The following CAMTA1 variants were observed in gnomAD, a reference collection of about 807,000 sequenced individuals.
CAMTA1 encodes the protein calmodulin-binding transcription activator 1.
In CAMTA1, 27 loss-of-function variants were observed where a neutral mutation model predicts 170.9. The ratio of observed to expected loss-of-function variants is 0.16; its 90% confidence interval spans 0.12 to 0.22. The LOEUF (loss-of-function observed/expected upper bound fraction) is 0.22, where lower values mean the gene tolerates loss of function less well. Ranked by LOEUF, CAMTA1 falls within the 10% of genes least tolerant of loss-of-function variation. The pLI is 1.00. For missense variants in CAMTA1, 1,619 were observed against 2,217.2 expected, an observed-to-expected ratio of 0.73 and a Z score of 5.42; for synonymous variants, 833 against 891.5, an observed-to-expected ratio of 0.93 and a Z score of 1.17.
At chr1:6,914,402 A>G (rs1680357286) in intron 3 of CAMTA1, among the ~76,000 whole-genome samples, 1 of 152,258 alleles carries the variant, frequency 6.6e-6, no homozygotes, top group Admixed American at 6.5e-5. Context: ...ACACCTGGCC[A>G]TCTCTGACTT....
At chr1:7,496,740 T>C (rs1044270788) in intron 6 of CAMTA1, among the ~76,000 whole-genome samples, 2 of 152,034 alleles carry the variant, frequency 1.3e-5, no homozygotes, top group Non-Finnish European at 2.9e-5. Context: ...GAAGGTCGTG[T>C]TGTTGATCCC....
At chr1:7,265,271 A>G (rs1220891316) in intron 5 of CAMTA1, among the ~76,000 whole-genome samples, 3 of 152,166 alleles carry the variant, frequency 2.0e-5, no homozygotes, top group Non-Finnish European at 4.4e-5. Flanking sequence ...TCAAAGACCT[A>G]GCATGAAAAG....
chr1:7,719,881 GC>G (rs1180197305), intron 11 of CAMTA1, among the ~76,000 whole-genome samples: 41 of 152,248 alleles, frequency 2.7e-4, no homozygotes, highest in African/African-American at 9.6e-4. Flanking sequence ...TGCCTCCTCA[GC>G]TCTCCCTGCC....
chr1:6,890,409 G>A (rs1238566828), intron 3 of CAMTA1, among the ~76,000 whole-genome samples: 1 of 152,130 alleles, frequency 6.6e-6, no homozygotes, highest in Non-Finnish European at 1.5e-5. Context: ...GTCACTTCCT[G>A]GGTTAAGGAA....
chr1:6,792,261 A>G (rs1304282638), intron 1 of CAMTA1, among the ~76,000 whole-genome samples: 1 of 151,854 alleles, frequency 6.6e-6, no homozygotes, highest in Non-Finnish European at 1.5e-5. Flanking sequence ...CCTGGCCGGA[A>G]GTGTTTCCTT....
At chr1:6,912,794 G>A (rs752877647) in intron 3 of CAMTA1, among the ~76,000 whole-genome samples, 17 of 152,202 alleles carry the variant, frequency 1.1e-4, no homozygotes, top group Middle Eastern at 3.2e-3. Context: ...GGAGCCAGGC[G>A]TGCTGCCCGC....
At chr1:7,670,101 G>A (rs1443998575) in intron 9 of CAMTA1, among the ~76,000 whole-genome samples, 1 of 152,208 alleles carries the variant, frequency 6.6e-6, no homozygotes, top group African/African-American at 2.4e-5. Flanking sequence ...CCCTGGAGCT[G>A]AGGAAGGTCA....
chr1:6,940,930 A>AG (rs1571901402), intron 3 of CAMTA1, among the ~76,000 whole-genome samples: 3 of 322 alleles, frequency 9.3e-3, no homozygotes, highest in Non-Finnish European at 0.022. Flanking sequence ...CTCACAGGGA[A>AG]AGGGGATCCT....
intron 3 of CAMTA1, among the ~76,000 whole-genome samples, chr1:6,832,694 G>T (rs145375746): frequency 2.0e-5 from 3 of 152,142 alleles, no homozygotes; most frequent in Non-Finnish European, 4.4e-5. Context: ...CTTTAGGTAG[G>T]GCTTGGTTTT....
chr1:7,000,462 G>A (rs575703423), intron 3 of CAMTA1, among the ~76,000 whole-genome samples: 1 of 152,338 alleles, frequency 6.6e-6, no homozygotes, highest in South Asian at 2.1e-4. Flanking sequence ...AAGTTGAAGA[G>A]GCAGGACAGG....
intron 4 of CAMTA1, among the ~76,000 whole-genome samples, chr1:7,102,117 A>T (rs533596788): frequency 6.6e-6 from 1 of 151,618 alleles, no homozygotes; most frequent in South Asian, 2.1e-4. Flanking sequence ...CTCTGGGAAA[A>T]TTTTTCTTCG....
intron 11 of CAMTA1, among the ~76,000 whole-genome samples, chr1:7,717,043 T>C (rs564648462): frequency 2.6e-5 from 4 of 152,232 alleles, no homozygotes; most frequent in Admixed American, 1.3e-4. Context: ...TGCCACATGA[T>C]CTCACTCCTA....
chr1:6,952,257 T>TGTCTC (rs895067040), intron 3 of CAMTA1, among the ~76,000 whole-genome samples: 3 of 151,204 alleles, frequency 2.0e-5, no homozygotes, highest in African/African-American at 7.3e-5. Context: ...GGTGAAACCC[T>TGTCTC]GTCTCTACTA....
At chr1:7,418,875 T>C (rs2149302500) in intron 5 of CAMTA1, among the ~76,000 whole-genome samples, 1 of 152,150 alleles carries the variant, frequency 6.6e-6, no homozygotes. Context: ...GGGACCCGAA[T>C]CTGGACCACC....
At chr1:6,838,333 G>A (rs1328759096) in intron 3 of CAMTA1, among the ~76,000 whole-genome samples, 3 of 152,230 alleles carry the variant, frequency 2.0e-5, no homozygotes, top group Admixed American at 6.5e-5. Flanking sequence ...GAAGAACTGC[G>A]GCAGACATGC....
chr1:6,899,685 G>C (rs571651200), intron 3 of CAMTA1, among the ~76,000 whole-genome samples: 91 of 152,254 alleles, frequency 6.0e-4, no homozygotes, highest in African/African-American at 2.0e-3. Context: ...TTTTGTGATG[G>C]AGGCAGGAAT....
intron 4 of CAMTA1, among the ~76,000 whole-genome samples, chr1:7,098,116 T>TGTGC (rs1197908374): frequency 1.3e-5 from 2 of 151,814 alleles, no homozygotes; most frequent in Non-Finnish European, 2.9e-5. Flanking sequence ...TGTGTGTGTG[T>TGTGC]GTGTGCACGT....
intron 4 of CAMTA1, among the ~76,000 whole-genome samples, chr1:7,148,608 T>C (rs1646383214): frequency 6.6e-6 from 1 of 152,110 alleles, no homozygotes; most frequent in Admixed American, 6.5e-5. Context: ...ACCAAGGCCC[T>C]CCCATTGCAG....
intron 5 of CAMTA1, among the ~76,000 whole-genome samples, chr1:7,392,536 T>A (rs1295057936): frequency 2.7e-5 from 4 of 145,866 alleles, no homozygotes; most frequent in African/African-American, 1.0e-4. Context: ...ATTACAGGCA[T>A]GAGCCACGGC....
Sources: gnomAD v4.1 joint callset for allele counts (sites outside exome capture counted in the v4.1 genomes callset) on GRCh38, gnomAD v4.1.1 for gene constraint, MANE v1.5 for transcripts, NCBI Gene and HGNC (gene_info 2026-07-23, HGNC 2026-07-21) for gene names.